Variants in RNF144A observed in about 807,000 individuals in gnomAD.
RNF144A encodes the protein ring finger protein 144A.
Under a neutral mutation model 38.7 loss-of-function variants are expected in RNF144A, and 11 were observed. That is an observed-to-expected ratio of 0.28 (90% CI 0.18 to 0.47). RNF144A has a LOEUF of 0.47. Ranked by LOEUF, RNF144A falls within the 20% of genes least tolerant of loss-of-function variation. The pLI is 0.99. For synonymous variants in RNF144A, 149 were observed against 143.9 expected (o/e 1.04, Z -0.25); for missense variants, 316 against 377.2 (o/e 0.84, Z 1.34).
intron 6 of RNF144A, 22 bp from the exon 7 acceptor site, chr2:7,024,347 C>T: frequency 6.3e-7 from 1 of 1,588,480 alleles, no homozygotes; most frequent in Non-Finnish European, 8.6e-7. Context: ...TGTGCAGAGT[C>T]CTCACGGCGT....
At chr2:7,019,816 G>T (rs1671395541) in intron 5 of RNF144A, among the ~76,000 whole-genome samples, 1 of 152,200 alleles carries the variant, frequency 6.6e-6, no homozygotes, top group African/African-American at 2.4e-5. Flanking sequence ...CCATTAAATT[G>T]GGCTTCTTAG....
chr2:7,016,879 G>T (rs542001261), intron 5 of RNF144A, among the ~76,000 whole-genome samples: 1 of 152,122 alleles, frequency 6.6e-6, no homozygotes, highest in Non-Finnish European at 1.5e-5. Context: ...GTCATGTTGC[G>T]CACACTGTCT....
chr2:7,067,496 T>C (rs1168322859), intron 6 of RNF144A, among the ~76,000 whole-genome samples: 3 of 152,134 alleles, frequency 2.0e-5, no homozygotes, highest in Non-Finnish European at 4.4e-5. Context: ...ATCTTTTTGA[T>C]TGGCTGCCCT....
intron 3 of RNF144A, among the ~76,000 whole-genome samples, chr2:7,010,774 G>A (rs928309724): frequency 2.6e-5 from 4 of 151,996 alleles, no homozygotes; most frequent in African/African-American, 9.7e-5. Flanking sequence ...TCATCTCTGG[G>A]AAGCCTTCCC....
At position 7,043,979 on chromosome 2, in the gene RNF144A, C is replaced by A. The variant is rs758218614; in HGVS notation, c.*4219C>A. The A allele has an allele frequency of 1.3e-4, 126 of 985,654 alleles. No homozygotes were observed. The highest frequency in any genetic ancestry group is 1.5e-4 in the Non-Finnish European group (124 of 829,890). The allele number at this position is 985,654 out of a possible 1,614,324, so 61.1% of individuals were successfully genotyped here. A position where few individuals can be genotyped will look rare whatever the true frequency, so the allele number is the denominator to read the frequency against. ...TTTGAAATGTCAGTACATTTTGTGC[C>A]ACTAACACTGTGATGTATAAAAGAG... On this transcript the variant is annotated 3_prime_UTR_variant, in exon 9 of 9. Coordinates refer to ENST00000320892, the MANE Select transcript of RNF144A (RefSeq NM_014746.6).
chr2:7,060,315 C>A (rs7423893), intron 6 of RNF144A, among the ~76,000 whole-genome samples: 1 of 151,144 alleles, frequency 6.6e-6, no homozygotes, highest in African/African-American at 2.4e-5. Flanking sequence ...GGCTGGCATT[C>A]TGCGTTCCCA....
chr2:6,974,643 A>G (rs1331418507), intron 2 of RNF144A, among the ~76,000 whole-genome samples: 1 of 152,126 alleles, frequency 6.6e-6, no homozygotes, highest in Admixed American at 6.5e-5. Context: ...AATTATTGTG[A>G]AAGTAAGTCT....
chr2:6,967,888 A>G (rs1446211626), intron 2 of RNF144A, among the ~76,000 whole-genome samples: 1 of 152,240 alleles, frequency 6.6e-6, no homozygotes, highest in Admixed American at 6.5e-5. Flanking sequence ...GTTCATGAAC[A>G]TCCTTGCAAA....
At chr2:6,979,343 G>T (rs968922814) in intron 2 of RNF144A, among the ~76,000 whole-genome samples, 1 of 152,194 alleles carries the variant, frequency 6.6e-6, no homozygotes, top group African/African-American at 2.4e-5. Context: ...AGCACTGGCT[G>T]TGAGGGAGGC....
intron 2 of RNF144A, among the ~76,000 whole-genome samples, chr2:6,969,714 G>A (rs1380719572): frequency 6.6e-6 from 1 of 152,166 alleles, no homozygotes; most frequent in Non-Finnish European, 1.5e-5. Flanking sequence ...CGGATTGCAG[G>A]CAAAATACAG....
intron 6 of RNF144A, among the ~76,000 whole-genome samples, chr2:7,022,541 A>G (rs1450406661): frequency 6.6e-6 from 1 of 152,196 alleles, no homozygotes; most frequent in Non-Finnish European, 1.5e-5. Flanking sequence ...TCATTTTGAA[A>G]TGTCTCCCCA....
In RNF144A at chr2:7,040,434, G is replaced by A. The variant is rs1349680274; in HGVS notation, c.*674G>A. On this transcript the variant is annotated 3_prime_UTR_variant, in exon 9 of 9. Coordinates refer to ENST00000320892, the MANE Select transcript of RNF144A (RefSeq NM_014746.6). Reference sequence around the variant, plus strand: ...AGTAACTTTTTGAACGCTGTAAGCTGTGTACTGTTATAAGTGTGCTTCCTA... The same window carrying A: ...AGTAACTTTTTGAACGCTGTAAGCTATGTACTGTTATAAGTGTGCTTCCTA... The A allele has an allele frequency of 1.0e-6, 1 of 985,422 alleles. No homozygotes were observed. The highest frequency in any genetic ancestry group is 1.2e-6 in the Non-Finnish European group (1 of 829,940). The allele number at this position is 985,422 out of a possible 1,614,324, so 61.0% of individuals were successfully genotyped here.
At chr2:7,048,845 G>A (rs1341059752), downstream of RNF144A, among the ~76,000 whole-genome samples, 1 of 152,204 alleles carries the variant, frequency 6.6e-6, no homozygotes, top group East Asian at 1.9e-4. Context: ...TTCACCTAAA[G>A]CCAAGTATGA....
chr2:7,020,587 G>T lies in RNF144A; in HGVS notation c.416G>T (p.Arg139Leu), dbSNP rs377363682. ...TPQPVQCKAC[R>L]MEFCSTCKAS... is the part of the protein sequence containing the mutation. ...CAGCCAGTGCAGTGCAAAGCCTGCC[G>T]TATGGAATTCTGCTCCACCTGCAAA... The change falls in exon 6 of 9, where the codon CGT becomes CTT. Residue 139 changes from arginine (R) to leucine (L), a missense_variant. Arg to Leu is a moderately radical substitution (Grantham distance 102). Coordinates refer to ENST00000320892, the MANE Select transcript of RNF144A (RefSeq NM_014746.6). 4 of 1,612,424 alleles carry T rather than the reference G, an allele frequency of 2.5e-6. No homozygotes were observed. Among genetic ancestry groups the T allele is most frequent in the Non-Finnish European group, 3.4e-6 (4 of 1,180,010 alleles).
In RNF144A at chr2:7,040,774, A is replaced by C. The variant is rs1306439609; in HGVS notation, c.*1014A>C. ...GCTGGAGGACTCTGGGGGCTAGGGA[A>C]GAGCCTGCCAGATTTTCACATTTTT... On this transcript the variant is annotated 3_prime_UTR_variant, in exon 9 of 9. Coordinates refer to ENST00000320892, the MANE Select transcript of RNF144A (RefSeq NM_014746.6). 1.0e-6 allele frequency: 1 copy of C among 985,376 alleles called. No homozygotes were observed. Among genetic ancestry groups the C allele is most frequent in the Non-Finnish European group, 1.2e-6 (1 of 829,958 alleles). The allele number at this position is 985,376 out of a possible 1,614,324, so 61.0% of individuals were successfully genotyped here.
chr2:7,024,999 T>TG, intron 7 of RNF144A, among the ~76,000 whole-genome samples: 1 of 149,756 alleles, frequency 6.7e-6, no homozygotes, highest in East Asian at 2.0e-4. Context: ...AAGTGGGGGC[T>TG]GGGGGGCTGT....
At chr2:6,923,327 T>G (rs1341428172) in intron 1 of RNF144A, among the ~76,000 whole-genome samples, 1 of 152,200 alleles carries the variant, frequency 6.6e-6, no homozygotes, top group East Asian at 1.9e-4. Flanking sequence ...TTGTTAACTT[T>G]CTTGGGAAGC....
chr2:7,008,159 G>A (rs1670568188), intron 3 of RNF144A, among the ~76,000 whole-genome samples: 1 of 152,232 alleles, frequency 6.6e-6, no homozygotes, highest in South Asian at 2.1e-4. Flanking sequence ...CCCGGGCTCA[G>A]TCTTCAGAGC....
chr2:7,029,216 C>G (rs1672115363), intron 7 of RNF144A, among the ~76,000 whole-genome samples: 1 of 152,246 alleles, frequency 6.6e-6, no homozygotes, highest in Admixed American at 6.5e-5. Context: ...AACAGGCTTG[C>G]CCCTCCGTGG....
Sources: allele counts gnomAD v4.1 joint callset (sites outside exome capture counted in the v4.1 genomes callset), GRCh38; gene constraint gnomAD v4.1.1; transcripts MANE v1.5; gene names NCBI Gene and HGNC (gene_info 2026-07-23, HGNC 2026-07-21).